CADM2: variants seen among roughly 807,000 people sequenced by gnomAD.
The protein encoded by CADM2 is immunoglobulin superfamily member 4D.
A neutral mutation model predicts 49.8 loss-of-function variants in CADM2; 12 were observed. The observed-to-expected ratio is 0.24, with a 90% CI of 0.15 to 0.39. CADM2 has a LOEUF of 0.39. Ranked by LOEUF, CADM2 falls within the 10% of genes least tolerant of loss-of-function variation. CADM2 has a pLI of 1.00. For synonymous variants in CADM2, 214 were observed against 175.4 expected, an observed-to-expected ratio of 1.22 and a Z score of -1.74; for missense variants, 378 against 492.3, an observed-to-expected ratio of 0.77 and a Z score of 2.20.
At chr3:85,483,172 T>C (rs992844792) in intron 1 of CADM2, among the ~76,000 whole-genome samples, 2 of 151,544 alleles carry the variant, frequency 1.3e-5, no homozygotes, top group Non-Finnish European at 3.0e-5. Flanking sequence ...ATTTTAACTG[T>C]AAGTACACAA....
rs968258226 is a variant in CADM2, at chr3:85,999,928, C to A, written c.970+38281C>A. Among the ~76,000 whole-genome samples the A allele has an allele frequency of 2.0e-5, 3 of 152,056 alleles. No individual in the cohort carries two copies. In the South Asian group the frequency reaches 6.2e-4, roughly 32 times the overall value. On this transcript the variant is annotated intron_variant, in intron 8 of 9. Transcript: ENST00000383699. Reference sequence around the variant, plus strand: ...TTCAGTTAACACTTTCAAAGGATGGCATAAATTAAGCATTTTTAAATGCTG... The same window carrying A: ...TTCAGTTAACACTTTCAAAGGATGGAATAAATTAAGCATTTTTAAATGCTG...
chr3:85,965,976 G>A (rs966949323), intron 8 of CADM2, among the ~76,000 whole-genome samples: 5 of 151,602 alleles, frequency 3.3e-5, no homozygotes, highest in African/African-American at 7.3e-5. Flanking sequence ...AGTGAGAAAC[G>A]CAAATTACCA....
chr3:85,431,088 T>C (rs1049207514), intron 1 of CADM2, among the ~76,000 whole-genome samples: 6 of 152,164 alleles, frequency 3.9e-5, no homozygotes, highest in Non-Finnish European at 7.4e-5. Context: ...CTTTTCTATG[T>C]TTAGATACAC....
At chr3:85,012,836 A>G (rs950651957) in intron 1 of CADM2, among the ~76,000 whole-genome samples, 9 of 151,646 alleles carry the variant, frequency 5.9e-5, no homozygotes, top group African/African-American at 2.2e-4. Context: ...ATTTTGATTG[A>G]TGGAGCCAAT....
rs539108672 is a variant in CADM2 at position 85,571,243 on chromosome 3, C to T, written c.62-155279C>T. The stretch of plus-strand genomic sequence containing the variant: ...AAAATAAGAACATTAATAAATTATC[C>T]ATATGAATGTACTTTCAAGGTGTTA... On this transcript the variant is annotated intron_variant, in intron 1 of 9. Transcript: ENST00000383699. Among the ~76,000 whole-genome samples the T allele has an allele frequency of 2.6e-5, 4 of 152,194 alleles. No individual in the cohort carries two copies. The East Asian group carries it at 7.7e-4, about 29-fold the overall frequency.
At position 85,859,224 on chromosome 3, in the gene CADM2, C is replaced by CTTTTT. The variant is rs397990427; in HGVS notation, c.239-24045_239-24041dup. On this transcript the variant is annotated intron_variant, in intron 3 of 9. Coordinates refer to ENST00000383699, the MANE Select transcript of CADM2 (RefSeq NM_001167675.2). ...TACCTTGTGCTTTTCTTTTTTTTGT[C>CTTTTT]TTTTTTTTTTTTTTTTTTTTTTTTT... Among the ~76,000 whole-genome samples the CTTTTT allele has an allele frequency of 3.5e-3, 247 of 70,608 alleles. 33 individuals are homozygous for CTTTTT. The highest frequency in any genetic ancestry group is 4.8e-3 in the Non-Finnish European group (191 of 40,032). The allele number at this position is 70,608 out of a possible 152,430, so 46.3% of individuals were successfully genotyped here.
rs1200263454 is a variant in CADM2 at position 85,961,503 on chromosome 3, G to A, written c.826G>A (p.Glu276Lys). 6.2e-7 allele frequency: 1 copy of A among 1,606,302 alleles called. No homozygotes were observed. Among genetic ancestry groups the A allele is most frequent in the Non-Finnish European group, 8.5e-7 (1 of 1,174,570 alleles). ...EPVLWTKDGGELPDPDRMVVS... is the reference protein window; with the variant it reads ...EPVLWTKDGGKLPDPDRMVVS... Reference sequence around the variant, plus strand: ...TGTTTTGTGGACAAAGGATGGCGGAGAATTACCAGATCCTGACCGAATGGT... The same window carrying A: ...TGTTTTGTGGACAAAGGATGGCGGAAAATTACCAGATCCTGACCGAATGGT... Residue 276 changes from glutamate to lysine, a missense_variant, in exon 8 of 10, where the codon GAA becomes AAA. Physicochemically the swap from Glu to Lys is moderately conservative, Grantham distance 56. Transcript: ENST00000383699.
chr3:85,620,532 A>C (rs2063942168), intron 1 of CADM2, among the ~76,000 whole-genome samples: 1 of 152,064 alleles, frequency 6.6e-6, no homozygotes, highest in Non-Finnish European at 1.5e-5. Flanking sequence ...ACTGTAAGTT[A>C]GTGAATTTCC....
At chr3:85,745,787 C>G (rs868499498) in intron 2 of CADM2, among the ~76,000 whole-genome samples, 4 of 152,204 alleles carry the variant, frequency 2.6e-5, no homozygotes, top group South Asian at 2.1e-4. Context: ...ATGGCTTGAG[C>G]TGTTGAATGA....
At chr3:85,305,024 A>C (rs1049204219) in intron 1 of CADM2, among the ~76,000 whole-genome samples, 1 of 151,726 alleles carries the variant, frequency 6.6e-6, no homozygotes, top group Non-Finnish European at 1.5e-5. Context: ...TTGACAGTTT[A>C]CAGAACATTT....
intron 1 of CADM2, among the ~76,000 whole-genome samples, chr3:85,214,497 G>C (rs1051635566): frequency 3.9e-5 from 6 of 152,028 alleles, no homozygotes; most frequent in African/African-American, 1.4e-4. Context: ...AGCAAATCCA[G>C]CCAGTATTGT....
At chr3:85,061,717 T>C (rs1390351295) in intron 1 of CADM2, among the ~76,000 whole-genome samples, 1 of 152,122 alleles carries the variant, frequency 6.6e-6, no homozygotes, top group Admixed American at 6.6e-5. Flanking sequence ...TTAGACACAT[T>C]GATGAAGCTG....
chr3:85,151,779 G>A (rs953021467), intron 1 of CADM2, among the ~76,000 whole-genome samples: 1 of 152,190 alleles, frequency 6.6e-6, no homozygotes, highest in Non-Finnish European at 1.5e-5. Context: ...TGAGTCAGGT[G>A]AGAGTCAATT....
chr3:85,098,659 C>T (rs1172491642), intron 1 of CADM2, among the ~76,000 whole-genome samples: 1 of 152,166 alleles, frequency 6.6e-6, no homozygotes, highest in Non-Finnish European at 1.5e-5. Context: ...CCTCAGTACA[C>T]ATGGGGTATT....
chr3:85,312,732 C>T (rs1054143950), intron 1 of CADM2, among the ~76,000 whole-genome samples: 1 of 152,014 alleles, frequency 6.6e-6, no homozygotes, highest in Non-Finnish European at 1.5e-5. Context: ...CTTCAAATAT[C>T]AATGGGGAAT....
At chr3:85,749,550 A>G (rs1476025220) in intron 2 of CADM2, among the ~76,000 whole-genome samples, 2 of 151,874 alleles carry the variant, frequency 1.3e-5, no homozygotes, top group Non-Finnish European at 2.9e-5. Context: ...AACCCGGGAT[A>G]TATCTGTATC....
chr3:85,753,857 T>A (rs1022847245), intron 2 of CADM2, among the ~76,000 whole-genome samples: 1 of 152,126 alleles, frequency 6.6e-6, no homozygotes, highest in Non-Finnish European at 1.5e-5. Context: ...AGTGAGAGAC[T>A]GAGACAAGTT....
At chr3:85,931,462 G>T (rs928842821) in intron 6 of CADM2, among the ~76,000 whole-genome samples, 2 of 151,798 alleles carry the variant, frequency 1.3e-5, no homozygotes, top group Non-Finnish European at 2.9e-5. Flanking sequence ...AAAATAAAAA[G>T]AATATTACTT....
At chr3:85,464,203 G>A (rs2038385468) in intron 1 of CADM2, among the ~76,000 whole-genome samples, 1 of 151,940 alleles carries the variant, frequency 6.6e-6, no homozygotes, top group Non-Finnish European at 1.5e-5. Flanking sequence ...TTCCACATGT[G>A]TATAAAATAT....
Sources: gnomAD v4.1 joint callset for allele counts (sites outside exome capture counted in the v4.1 genomes callset) on GRCh38, gnomAD v4.1.1 for gene constraint, MANE v1.5 for transcripts, NCBI Gene and HGNC (gene_info 2026-07-23, HGNC 2026-07-21) for gene names.